Variants in CCAR1 observed in about 807,000 individuals in gnomAD.
CCAR1 encodes cell division cycle and apoptosis regulator 1, also known as cell division cycle and apoptosis regulator protein 1.
Under a neutral mutation model 163.8 loss-of-function variants are expected in CCAR1, and 78 were observed. The observed-to-expected ratio is 0.48, with a 90% CI of 0.40 to 0.57. The LOEUF is 0.57. Among genes scored for constraint, CCAR1 ranks in the 20% least tolerant of loss-of-function variants. The probability of loss-of-function intolerance (pLI) is 0.00; values close to 1 mark genes in which losing one functional copy is unlikely to be tolerated. For synonymous variants in CCAR1, 443 were observed against 460.7 expected, an observed-to-expected ratio of 0.96 and a Z score of 0.49; for missense variants, 1,019 against 1,365.2, an observed-to-expected ratio of 0.75 and a Z score of 4.00.
intron 1 of CCAR1, among the ~76,000 whole-genome samples, chr10:68,722,035 G>A (rs2055866829): frequency 6.6e-6 from 1 of 152,158 alleles, no homozygotes; most frequent in Non-Finnish European, 1.5e-5. Flanking sequence ...TCTTGTCCCA[G>A]TATCCGTTAT....
At chr10:68,730,442 A>T (rs1350106932) in intron 2 of CCAR1, among the ~76,000 whole-genome samples, 1 of 151,298 alleles carries the variant, frequency 6.6e-6, no homozygotes. Context: ...GGTTCAAGTG[A>T]TTCTCCTGCC....
At chr10:68,745,465 CTT>C (rs113324430) in intron 6 of CCAR1, among the ~76,000 whole-genome samples, 60 of 140,768 alleles carry the variant, frequency 4.3e-4, no homozygotes, top group Middle Eastern at 7.9e-3. Context: ...CCACGTCCAG[CTT>C]TTTTTTTTTT....
At chr10:68,727,449 T>C (rs2055965613) in intron 2 of CCAR1, among the ~76,000 whole-genome samples, 1 of 152,118 alleles carries the variant, frequency 6.6e-6, no homozygotes, top group African/African-American at 2.4e-5. Flanking sequence ...GCAGAGTCAG[T>C]GTTAGGACCT....
At chr10:68,752,813 A>G (rs1274685513) in intron 10 of CCAR1, among the ~76,000 whole-genome samples, 1 of 152,128 alleles carries the variant, frequency 6.6e-6, no homozygotes, top group African/African-American at 2.4e-5. Flanking sequence ...AGGTTATAGC[A>G]AGCTGTGAGT....
At chr10:68,752,805 G>T (rs192525118) in intron 10 of CCAR1, among the ~76,000 whole-genome samples, 8 of 152,134 alleles carry the variant, frequency 5.3e-5, no homozygotes, top group African/African-American at 1.9e-4. Flanking sequence ...AGGAATTCAG[G>T]TTATAGCAAG....
At chr10:68,728,828 G>A (rs995537787) in intron 2 of CCAR1, among the ~76,000 whole-genome samples, 3 of 151,952 alleles carry the variant, frequency 2.0e-5, no homozygotes, top group Admixed American at 6.6e-5. Flanking sequence ...GGTGGTGGGC[G>A]TCTGTAATCT....
In CCAR1 at chr10:68,747,182, C is replaced by T; in HGVS notation, c.540C>T (p.Pro180=). Residue 180 remains proline (P), a synonymous_variant, in exon 7 of 25, where the codon CCC becomes CCT. Coordinates refer to ENST00000265872, the MANE Select transcript of CCAR1 (RefSeq NM_018237.4). ...FQLSAVKGKT[P]QVGDRVLVEA... ...ACAGTGCTGTCAAAGGGAAAACCCCCCAAGTAGGTGACAGAGTATTGGTTG... is the reference window on the plus strand; with the variant it reads ...ACAGTGCTGTCAAAGGGAAAACCCCTCAAGTAGGTGACAGAGTATTGGTTG... 6.3e-7 allele frequency: 1 copy of T among 1,597,696 alleles called. No individual in the cohort carries two copies.
intron 21 of CCAR1, chr10:68,787,687 T>C (rs1361180587): frequency 3.2e-6 from 1 of 309,656 alleles, no homozygotes. Context: ...ATACAAAAAT[T>C]GGCCAGGCAT....
At chr10:68,776,260 T>TC (rs1257105846) in intron 19 of CCAR1, among the ~76,000 whole-genome samples, 1 of 151,736 alleles carries the variant, frequency 6.6e-6, no homozygotes, top group African/African-American at 2.4e-5. Context: ...CTTTTCTTTT[T>TC]TTTTTTTAAG....
At chr10:68,764,521 T>G (rs1195236688) in intron 16 of CCAR1, among the ~76,000 whole-genome samples, 1 of 151,550 alleles carries the variant, frequency 6.6e-6, no homozygotes, top group African/African-American at 2.4e-5. Context: ...GGTGACAGAG[T>G]GAGACCCTGT....
intron 19 of CCAR1, 56 bp from the exon 20 acceptor site, chr10:68,786,080 C>A: frequency 8.6e-7 from 1 of 1,167,360 alleles, no homozygotes; most frequent in East Asian, 2.4e-5. Context: ...CCACTGTGCC[C>A]ACTTGAAAGT....
At chr10:68,722,794 C>T (rs71486221) in intron 2 of CCAR1, among the ~76,000 whole-genome samples, 2 of 152,000 alleles carry the variant, frequency 1.3e-5, no homozygotes, top group African/African-American at 2.4e-5. Context: ...TGGTGGCACG[C>T]GCCCATAATC....
intron 6 of CCAR1, among the ~76,000 whole-genome samples, chr10:68,745,301 C>T (rs1391755812): frequency 2.6e-5 from 4 of 151,598 alleles, no homozygotes; most frequent in Admixed American, 6.6e-5. Context: ...CCGCCACGCC[C>T]GGCCCTTTTT....
At chr10:68,789,997 G>A (rs1295294238) in intron 24 of CCAR1, 82 bp downstream of exon 24, 22 of 839,608 alleles carry the variant, frequency 2.6e-5, no homozygotes, top group Non-Finnish European at 4.0e-5. Context: ...ATGTTATTAA[G>A]CTCTTAGTGA....
chr10:68,778,957 TCTTCTGTCTCAGC>T (rs2056701149), intron 19 of CCAR1, among the ~76,000 whole-genome samples: 3 of 152,226 alleles, frequency 2.0e-5, no homozygotes, highest in Non-Finnish European at 4.4e-5. Flanking sequence ...TTCAAGCAAT[TCTTCTGTCTCAGC>T]CTCCTGAGTA....
intron 16 of CCAR1, among the ~76,000 whole-genome samples, chr10:68,764,151 C>T (rs2056508246): frequency 6.6e-6 from 1 of 152,154 alleles, no homozygotes; most frequent in South Asian, 2.1e-4. Context: ...GCCTCTAATT[C>T]TTCCAGTGAT....
chr10:68,791,162 G>C, intron 24 of CCAR1, 45 bp from the exon 25 acceptor site: 1 of 1,156,830 alleles, frequency 8.6e-7, no homozygotes, highest in Non-Finnish European at 1.3e-6. Context: ...TAACATTTAA[G>C]ATAATCTAAT....
intron 19 of CCAR1, among the ~76,000 whole-genome samples, chr10:68,783,603 A>T (rs923030731): frequency 6.6e-6 from 1 of 152,126 alleles, no homozygotes; most frequent in African/African-American, 2.4e-5. Flanking sequence ...CCCCAACTCT[A>T]CTAAAAATTC....
At chr10:68,743,907 G>T (rs190015087) in intron 6 of CCAR1, among the ~76,000 whole-genome samples, 1 of 152,158 alleles carries the variant, frequency 6.6e-6, no homozygotes, top group African/African-American at 2.4e-5. Flanking sequence ...CTGCCACCAC[G>T]CCTGGGTAAT....
Sources: allele counts gnomAD v4.1 joint callset (sites outside exome capture counted in the v4.1 genomes callset), GRCh38; gene constraint gnomAD v4.1.1; transcripts MANE v1.5; gene names NCBI Gene and HGNC (gene_info 2026-07-23, HGNC 2026-07-21).